SMURF2: variants seen among roughly 807,000 people sequenced by gnomAD.
SMURF2 encodes E3 ubiquitin-protein ligase SMURF2.
Under a neutral mutation model 109.6 loss-of-function variants are expected in SMURF2, and 48 were observed. The ratio of observed to expected loss-of-function variants is 0.44; its 90% CI spans 0.35 to 0.56. The LOEUF (loss-of-function observed/expected upper bound fraction) is 0.56, where lower values mean the gene tolerates loss of function less well. SMURF2 is among the 20% of genes least tolerant of loss of function. The pLI is 0.01. For missense variants in SMURF2, 575 were observed against 909.0 expected, an observed-to-expected ratio of 0.63 and a Z score of 4.72; for synonymous variants, 288 against 317.1, an observed-to-expected ratio of 0.91 and a Z score of 0.97.
rs1205544468 is a variant in SMURF2, at chr17:64,547,515, T to C, written c.2071+85A>G. The C allele has an allele frequency of 5.3e-6, 6 of 1,124,158 alleles. No homozygotes were observed. The highest frequency in any genetic ancestry group is 1.8e-5 in the Admixed American group (1 of 55,714). The allele number at this position is 1,124,158 out of a possible 1,614,324, so 69.6% of individuals were successfully genotyped here. On this transcript the variant is annotated intron_variant, in intron 17 of 18. Coordinates refer to ENST00000262435, the MANE Select transcript of SMURF2 (RefSeq NM_022739.4). This position sits in a 1 kb window ranked among gnomAD's most constrained non-coding sequence, Gnocchi z 4.2. ...GTGAAAAAGAGAATCTCTAAGCACA[T>C]GGTTTACAAAATATCTCCACAGACC...
chr17:64,580,691 A>G, intron 8 of SMURF2, 98 bp downstream of exon 8: 1 of 1,232,980 alleles, frequency 8.1e-7, no homozygotes, highest in Non-Finnish European at 1.2e-6. Context: ...AGAATCCCTA[A>G]GCTCAGATTA....
At chr17:64,601,077 C>G (rs1277835548) in intron 2 of SMURF2, among the ~76,000 whole-genome samples, 1 of 151,882 alleles carries the variant, frequency 6.6e-6, no homozygotes, top group Non-Finnish European at 1.5e-5. Context: ...AGTAAGACCA[C>G]CCCCCATCCC....
chr17:64,555,884 A>C lies in SMURF2; in HGVS notation c.1546T>G (p.Ser516Ala), dbSNP rs1555684000. Residue 516 changes from serine (S) to alanine (A), a missense_variant, in exon 14 of 19, where the codon TCA becomes GCA. Ser to Ala is a moderately conservative substitution (Grantham distance 99, BLOSUM62 1). This residue lies in a region of SMURF2 where 361 missense variants were observed against 612.1 expected (regional missense o/e 0.59). Transcript: ENST00000262435. ...AACTCCATGTCATCCAAGGTAATTG[A>C]CTTCCCAAGCAATTGCTTATAAAAA... The part of the protein sequence containing the change: ...LPFYKQLLGK[S>A]ITLDDMELVD... 1 of 1,613,498 alleles carries C rather than the reference A, an allele frequency of 6.2e-7. No individual in the cohort carries two copies. Among genetic ancestry groups the C allele is most frequent in the Admixed American group, 1.7e-5 (1 of 60,024 alleles).
At chr17:64,635,682 T>C (rs1970407121) in intron 1 of SMURF2, among the ~76,000 whole-genome samples, 1 of 152,234 alleles carries the variant, frequency 6.6e-6, no homozygotes, top group Non-Finnish European at 1.5e-5. Flanking sequence ...GGCTGAATAA[T>C]ATTCCATTGT....
At chr17:64,599,021 T>C (rs1418387715) in intron 2 of SMURF2, among the ~76,000 whole-genome samples, 2 of 152,158 alleles carry the variant, frequency 1.3e-5, no homozygotes, top group South Asian at 2.1e-4. Context: ...TACTATCTAA[T>C]TGGAAAAATA....
chr17:64,578,644 C>A (rs1045742184), intron 8 of SMURF2, 68 bp from the exon 9 acceptor site: 1 of 989,868 alleles, frequency 1.0e-6, no homozygotes, highest in East Asian at 2.4e-5. Flanking sequence ...GTTATATACA[C>A]TAAGATGATA....
At chr17:64,552,696 CTTTTT>C (rs1218160951) in intron 15 of SMURF2, among the ~76,000 whole-genome samples, 1 of 152,004 alleles carries the variant, frequency 6.6e-6, no homozygotes. Context: ...CTCATTTGTT[CTTTTT>C]TTATTATTTT....
At position 64,571,936 on chromosome 17, in the gene SMURF2, CA is replaced by C; in HGVS notation, c.877del (p.Cys293ValfsTer44). ...AGGAGGCAATGGACCAAGCTCTTCA[CA>C]ATTGATGTTGCTAAGATCCCTGCAA... ...RVPRDLSNIN[C>X]EELGPLPPGW... On this transcript the variant is annotated frameshift_variant, in exon 10 of 19. Transcript: ENST00000262435. LOFTEE classifies it high-confidence loss of function. The C allele has an allele frequency of 6.2e-7, 1 of 1,612,394 alleles. No individual in the cohort carries two copies. Among genetic ancestry groups the C allele is most frequent in the Non-Finnish European group, 8.5e-7 (1 of 1,179,388 alleles).
rs1969765543 is a variant in SMURF2 at position 64,592,620 on chromosome 17, T to C, written c.334+820A>G. On this transcript the variant is annotated intron_variant, in intron 4 of 18. Coordinates refer to ENST00000262435, the MANE Select transcript of SMURF2 (RefSeq NM_022739.4). Reference sequence around the variant, plus strand: ...TGTGAGTTTGTTTAGCATATGCATCTGGGCTAAAATCCCATGACGATGACT... The same window carrying C: ...TGTGAGTTTGTTTAGCATATGCATCCGGGCTAAAATCCCATGACGATGACT... Among the ~76,000 whole-genome samples the C allele has an allele frequency of 2.6e-5, 4 of 152,232 alleles. No homozygotes were observed. In the South Asian group the frequency reaches 8.3e-4, roughly 31 times the overall value.
intron 12 of SMURF2, 59 bp from the exon 13 acceptor site, chr17:64,557,781 T>C: frequency 1.1e-6 from 1 of 901,538 alleles, no homozygotes; most frequent in East Asian, 2.5e-5. Flanking sequence ...TTTATTAAGA[T>C]ATGTCATTAA....
intron 4 of SMURF2, chr17:64,592,880 T>A (rs1568187149): frequency 6.6e-6 from 1 of 152,220 alleles, no homozygotes; most frequent in Non-Finnish European, 1.5e-5. Context: ...AGTTAAGTAG[T>A]TAATACAGCT....
In SMURF2 at chr17:64,593,456, G is replaced by A; in HGVS notation, c.318C>T (p.Arg106=). The A allele has an allele frequency of 6.2e-7, 1 of 1,608,072 alleles. No homozygotes were observed. The highest frequency in any genetic ancestry group is 1.1e-5 in the South Asian group (1 of 90,550). Residue 106 remains arginine (R), a synonymous_variant, in exon 4 of 19, where the codon CGC becomes CGT. Coordinates refer to ENST00000262435, the MANE Select transcript of SMURF2 (RefSeq NM_022739.4). ...CVRLLSNAIN[R]LKDTGYQRLD... is the part of the protein sequence containing the mutation. ...TCTACTCACAACCAGTGTCTTTGAGGCGGTTGATGGCATTGGAAAGAAGAC... is the reference window on the plus strand; with the variant it reads ...TCTACTCACAACCAGTGTCTTTGAGACGGTTGATGGCATTGGAAAGAAGAC...
intron 1 of SMURF2, among the ~76,000 whole-genome samples, chr17:64,628,299 C>T (rs1000516953): frequency 6.6e-6 from 1 of 152,146 alleles, no homozygotes; most frequent in South Asian, 2.1e-4. Context: ...AAAACTCAAA[C>T]GTTTGGACCA....
At chr17:64,646,910 G>C (rs770114411) in intron 1 of SMURF2, among the ~76,000 whole-genome samples, 1 of 152,154 alleles carries the variant, frequency 6.6e-6, no homozygotes, top group African/African-American at 2.4e-5. Context: ...TAAAGTGGAA[G>C]GTAGAAAATA....
intron 12 of SMURF2, among the ~76,000 whole-genome samples, chr17:64,558,476 T>C (rs1170702712): frequency 1.3e-5 from 2 of 152,202 alleles, no homozygotes; most frequent in East Asian, 3.9e-4. Flanking sequence ...ACATATAATA[T>C]AGTATTGATT....
At chr17:64,579,335 A>G (rs1450427598) in intron 8 of SMURF2, among the ~76,000 whole-genome samples, 1 of 151,962 alleles carries the variant, frequency 6.6e-6, no homozygotes, top group Non-Finnish European at 1.5e-5. Flanking sequence ...GACAAAATCC[A>G]GTGAGAAACT....
At chr17:64,594,072 C>T (rs1345450933) in intron 3 of SMURF2, 1 of 152,898 alleles carries the variant, frequency 6.5e-6, no homozygotes, top group Non-Finnish European at 1.5e-5. Context: ...AGGCCTTGAG[C>T]GAGCAGGACT....
chr17:64,614,215 A>T, intron 1 of SMURF2, among the ~76,000 whole-genome samples: 1 of 152,190 alleles, frequency 6.6e-6, no homozygotes, highest in East Asian at 1.9e-4. Context: ...TTTAATGTTT[A>T]GTAAGCTTAT....
intron 4 of SMURF2, among the ~76,000 whole-genome samples, chr17:64,592,667 T>C (rs1327283071): frequency 6.6e-6 from 1 of 152,120 alleles, no homozygotes; most frequent in East Asian, 1.9e-4. Context: ...TTACATTATA[T>C]AAAAAAGAAT....
Sources: allele counts gnomAD v4.1 joint callset (sites outside exome capture counted in the v4.1 genomes callset), GRCh38; gene constraint gnomAD v4.1.1; regional missense constraint gnomAD v4.1.1; non-coding constraint Gnocchi (gnomAD v3.1); transcripts MANE v1.5; gene names NCBI Gene and HGNC (gene_info 2026-07-23, HGNC 2026-07-21).